The following ATG5 variants were observed in gnomAD, a reference collection of about 807,000 sequenced individuals.
ATG5 encodes autophagy protein 5.
In ATG5, 14 loss-of-function variants were observed where a neutral mutation model predicts 36.5. That is an observed-to-expected ratio of 0.38 (90% CI 0.25 to 0.60). ATG5 has a LOEUF of 0.60. ATG5 is among the 20% of genes least tolerant of loss of function. ATG5 has a pLI of 0.60. For missense variants in ATG5, 195 were observed against 326.7 expected (o/e 0.60, Z 3.11); for synonymous variants, 95 against 101.5 (o/e 0.94, Z 0.38).
chr6:106,256,284 G>A (rs1040954250), intron 5 of ATG5, among the ~76,000 whole-genome samples: 1 of 151,984 alleles, frequency 6.6e-6, no homozygotes, highest in African/African-American at 2.4e-5. Context: ...CAAAACAAAG[G>A]GGCCACCAAT....
chr6:106,300,527 C>T (rs566762458), intron 3 of ATG5, among the ~76,000 whole-genome samples: 23 of 152,026 alleles, frequency 1.5e-4, no homozygotes, highest in Non-Finnish European at 2.6e-4. Context: ...GGATATGTTC[C>T]GAGAAATGCA....
intron 4 of ATG5, among the ~76,000 whole-genome samples, chr6:106,286,839 T>C (rs1157572796): frequency 1.3e-5 from 2 of 152,066 alleles, no homozygotes; most frequent in Non-Finnish European, 1.5e-5. Flanking sequence ...CCTACAACCA[T>C]AGGATATGAA....
At chr6:106,320,902 G>A (rs1337088046) in intron 1 of ATG5, among the ~76,000 whole-genome samples, 1 of 152,192 alleles carries the variant, frequency 6.6e-6, no homozygotes, top group Non-Finnish European at 1.5e-5. Flanking sequence ...TAGCCAGGTA[G>A]TAATTTCAGC....
intron 6 of ATG5, among the ~76,000 whole-genome samples, chr6:106,227,446 A>G (rs1214298836): frequency 6.6e-6 from 1 of 152,148 alleles, no homozygotes; most frequent in African/African-American, 2.4e-5. Flanking sequence ...GAATAAAAAG[A>G]TTGGCTGAAT....
Position 106,322,674 on chromosome 6 carries a change from C to T in ATG5, c.-59+2852G>A, listed in dbSNP as rs1582700074. Among the ~76,000 whole-genome samples, 4 of 152,284 alleles carry T rather than the reference C, an allele frequency of 2.6e-5. 1 individual carries two copies. The highest frequency in any genetic ancestry group is 2.6e-4 in the Admixed American group (4 of 15,298). On this transcript the variant is annotated intron_variant, in intron 1 of 7. Transcript: ENST00000369076. ...CTGGGAGGGAGGAAATTTTGTAAAT[C>T]TCTCCAAACTGTAAATGTTGAAATG... is the stretch of plus-strand genomic sequence containing the variant.
At chr6:106,315,649 A>G (rs1219116213) in intron 2 of ATG5, among the ~76,000 whole-genome samples, 1 of 152,184 alleles carries the variant, frequency 6.6e-6, no homozygotes, top group East Asian at 1.9e-4. Flanking sequence ...TCTTTAAGCT[A>G]TAAAAACACT....
At chr6:106,286,367 A>G (rs1780080854) in intron 4 of ATG5, among the ~76,000 whole-genome samples, 1 of 152,106 alleles carries the variant, frequency 6.6e-6, no homozygotes. Context: ...GCTCTATTTC[A>G]TATTTTTGGT....
intron 5 of ATG5, among the ~76,000 whole-genome samples, chr6:106,258,900 C>T (rs528541683): frequency 6.6e-5 from 10 of 152,194 alleles, no homozygotes; most frequent in African/African-American, 2.4e-4. Context: ...CAGAACAGCA[C>T]AGCTAGCAGT....
At chr6:106,252,393 T>C (rs1489062084) in intron 5 of ATG5, among the ~76,000 whole-genome samples, 1 of 151,968 alleles carries the variant, frequency 6.6e-6, no homozygotes, top group Non-Finnish European at 1.5e-5. Context: ...AAAATCCTGA[T>C]GGTCATCCAT....
At chr6:106,309,248 T>C (rs1018794636) in intron 2 of ATG5, among the ~76,000 whole-genome samples, 1 of 152,228 alleles carries the variant, frequency 6.6e-6, no homozygotes, top group African/African-American at 2.4e-5. Flanking sequence ...TCATCTTTCA[T>C]GCTTTTTATT....
chr6:106,246,115 A>C (rs1214474930), intron 6 of ATG5, among the ~76,000 whole-genome samples: 1 of 152,168 alleles, frequency 6.6e-6, no homozygotes, highest in African/African-American at 2.4e-5. Flanking sequence ...ATAAAAACCA[A>C]AATGGAACTG....
intron 5 of ATG5, among the ~76,000 whole-genome samples, chr6:106,251,821 G>C (rs754897787): frequency 5.3e-5 from 8 of 151,612 alleles, no homozygotes; most frequent in Non-Finnish European, 8.8e-5. Flanking sequence ...GAATAACCAA[G>C]TGTCTTTCAC....
At chr6:106,304,468 C>T (rs1770353657) in intron 3 of ATG5, among the ~76,000 whole-genome samples, 2 of 152,008 alleles carry the variant, frequency 1.3e-5, no homozygotes, top group African/African-American at 4.8e-5. Context: ...TGTGGTATAA[C>T]CATACAGTGG....
intron 5 of ATG5, among the ~76,000 whole-genome samples, chr6:106,252,521 C>T (rs1466656674): frequency 6.6e-6 from 1 of 151,702 alleles, no homozygotes; most frequent in Non-Finnish European, 1.5e-5. Context: ...CATAAGATAC[C>T]AAGTTAATTT....
intron 6 of ATG5, among the ~76,000 whole-genome samples, chr6:106,244,581 C>T (rs148722763): frequency 9.2e-5 from 14 of 152,326 alleles, no homozygotes; most frequent in South Asian, 2.1e-4. Flanking sequence ...CAAACTAGAA[C>T]AAATTCTTCC....
intron 4 of ATG5, among the ~76,000 whole-genome samples, chr6:106,291,531 A>C (rs1780307707): frequency 6.6e-6 from 1 of 152,252 alleles, no homozygotes; most frequent in Non-Finnish European, 1.5e-5. Flanking sequence ...CCCGACACAC[A>C]GAAGGATCTC....
chr6:106,251,022 G>A (rs1001075245), intron 5 of ATG5, among the ~76,000 whole-genome samples: 4 of 152,220 alleles, frequency 2.6e-5, no homozygotes, highest in African/African-American at 9.6e-5. Context: ...GCAGGAGCCT[G>A]GCCCAGGGTT....
chr6:106,320,749 C>G (rs992409341), intron 1 of ATG5, among the ~76,000 whole-genome samples: 1 of 151,982 alleles, frequency 6.6e-6, no homozygotes, highest in African/African-American at 2.4e-5. Context: ...GAGACTAGAC[C>G]ATGAAACATA....
intron 6 of ATG5, among the ~76,000 whole-genome samples, chr6:106,213,905 C>T (rs925998855): frequency 4.6e-5 from 7 of 152,060 alleles, no homozygotes; most frequent in Admixed American, 1.3e-4. Context: ...CATTGTGAAA[C>T]GTAGAACCAA....
Sources: allele counts gnomAD v4.1 joint callset (sites outside exome capture counted in the v4.1 genomes callset), GRCh38; gene constraint gnomAD v4.1.1; transcripts MANE v1.5; gene names NCBI Gene and HGNC (gene_info 2026-07-23, HGNC 2026-07-21).